ELOVL2: variants seen among roughly 807,000 people sequenced by gnomAD.
ELOVL2 encodes very long chain fatty acid elongase 2.
A neutral mutation model predicts 37.7 loss-of-function variants in ELOVL2; 38 were observed. The observed-to-expected ratio is 1.01, with a 90% CI of 0.78 to 1.32. ELOVL2 has a LOEUF of 1.32. ELOVL2 is among the 40% of genes most tolerant of loss of function. The pLI, the probability that ELOVL2 is intolerant of heterozygous loss-of-function variation, is 0.00. For synonymous variants in ELOVL2, 115 were observed against 122.3 expected (o/e 0.94, Z 0.40); for missense variants, 352 against 363.6 (o/e 0.97, Z 0.26).
intron 6 of ELOVL2, 148 bp downstream of exon 6, chr6:10,990,170 A>G: frequency 1.1e-6 from 1 of 929,376 alleles, no homozygotes; most frequent in Admixed American, 3.1e-5. Flanking sequence ...GCATTTCAAC[A>G]CAAAAAGTTT....
intron 3 of ELOVL2, among the ~76,000 whole-genome samples, chr6:11,004,098 T>G (rs978488411): frequency 4.0e-5 from 6 of 150,944 alleles, no homozygotes; most frequent in African/African-American, 1.5e-4. Context: ...AAAAAAAAAG[T>G]TGTCAGCATG....
chr6:11,026,584 TAGAG>T lies in ELOVL2; in HGVS notation c.4-15779_4-15776del, dbSNP rs1456542171. ...GGACAGCCACCAAGAAACTGATTCT[TAGAG>T]AGCCTCCTTTGTTTCACTCGACTAA... On this transcript the variant is annotated intron_variant, in intron 1 of 7. Transcript: ENST00000354666. Among the ~76,000 whole-genome samples, 8 of 152,302 alleles carry T rather than the reference TAGAG, an allele frequency of 5.3e-5. No homozygotes were observed. The South Asian group carries it at 6.2e-4, about 12-fold the overall frequency.
At chr6:10,993,810 C>T (rs1782209393) in intron 5 of ELOVL2, among the ~76,000 whole-genome samples, 1 of 151,848 alleles carries the variant, frequency 6.6e-6, no homozygotes, top group Non-Finnish European at 1.5e-5. Context: ...ACCTCAGCCT[C>T]CCGAGGAGCT....
At chr6:11,020,211 G>A (rs892211744) in intron 1 of ELOVL2, among the ~76,000 whole-genome samples, 2 of 152,064 alleles carry the variant, frequency 1.3e-5, no homozygotes, top group African/African-American at 4.8e-5. Flanking sequence ...CCAATGGGTT[G>A]GTTTCTTCCT....
At chr6:10,998,493 A>G (rs542194358) in intron 4 of ELOVL2, among the ~76,000 whole-genome samples, 6 of 152,344 alleles carry the variant, frequency 3.9e-5, no homozygotes, top group South Asian at 4.1e-4. Flanking sequence ...AAAGGTAACA[A>G]TAAGAGCTTT....
intron 1 of ELOVL2, among the ~76,000 whole-genome samples, chr6:11,028,640 C>T (rs1010835377): frequency 6.7e-6 from 1 of 148,926 alleles, no homozygotes; most frequent in African/African-American, 2.6e-5. Context: ...TTCTAATTGC[C>T]AGTTCAGAGT....
At chr6:10,997,380 A>G (rs1364166012) in intron 4 of ELOVL2, among the ~76,000 whole-genome samples, 1 of 152,096 alleles carries the variant, frequency 6.6e-6, no homozygotes, top group East Asian at 1.9e-4. Context: ...TAATGGCCCA[A>G]TCCATGTTCA....
rs533725347 is a variant in ELOVL2 at position 11,009,976 on chromosome 6, C to CTAA, written c.67+767_67+769dup. ...TGATGAAGGAAAGATGGAGAGATGT[C>CTAA]TAAGCTCATCCTACCTACGGGCCCC... On this transcript the variant is annotated intron_variant, in intron 2 of 7. Transcript: ENST00000354666. Among the ~76,000 whole-genome samples the CTAA allele has an allele frequency of 6.0e-3, 913 of 151,172 alleles. 9 individuals carry two copies. The highest frequency in any genetic ancestry group is 0.02 in the African/African-American group (808 of 41,228).
At chr6:11,035,192 C>T (rs57940154) in intron 1 of ELOVL2, among the ~76,000 whole-genome samples, 44,897 of 151,630 alleles carry the variant, frequency 0.3, 7,473 homozygotes, top group East Asian at 0.63. Context: ...TTCTGTTCTA[C>T]ACTACATTCC....
intron 4 of ELOVL2, 74 bp from the exon 5 acceptor site, chr6:10,995,252 T>TCTGCCTG (rs1480898089): frequency 8.7e-7 from 1 of 1,155,296 alleles, no homozygotes; most frequent in East Asian, 2.5e-5. Flanking sequence ...TGCTCGGCCT[T>TCTGCCTG]CTGCCTGCTG....
At position 10,989,763 on chromosome 6, in the gene ELOVL2, G is replaced by A. The variant is rs151066238; in HGVS notation, c.705C>T (p.Leu235=). ...TTAGCATATAAGATGACTGGAAGAT[G>A]AGACAACCGAAGGGGAAGCCACACG... ...VKPCGFPFGC[L]IFQSSYMLTL... is the part of the protein sequence containing the mutation. The change falls in exon 7 of 8, where the codon CTC becomes CTT. Residue 235 remains leucine, a synonymous_variant. Coordinates refer to ENST00000354666, the MANE Select transcript of ELOVL2 (RefSeq NM_017770.4). 7.7e-5 allele frequency: 125 copies of A among 1,614,000 alleles called. No homozygotes were observed. The African/African-American group carries it at 1.5e-3, about 19-fold the overall frequency.
Position 11,044,023 on chromosome 6 carries a change from G to C in ELOVL2, c.3+205C>G, listed in dbSNP as rs1019044437. Reference sequence around the variant, plus strand: ...AAAGTTCCCGAGACCCGCGGGCCTCGGGCCGACCCGCGCGCCCCCGGCCCA... The same window carrying C: ...AAAGTTCCCGAGACCCGCGGGCCTCCGGCCGACCCGCGCGCCCCCGGCCCA... On this transcript the variant is annotated intron_variant, in intron 1 of 7. Coordinates refer to ENST00000354666, the MANE Select transcript of ELOVL2 (RefSeq NM_017770.4). The surrounding 1 kb of genome is among the most constrained non-coding windows in gnomAD (Gnocchi z 5.6). Among the ~76,000 whole-genome samples the C allele has an allele frequency of 6.6e-6, 1 of 151,272 alleles. No individual in the cohort carries two copies.
In ELOVL2 at chr6:11,037,016, CAGAG is replaced by C. The variant is rs760006577; in HGVS notation, c.3+7208_3+7211del. Among the ~76,000 whole-genome samples the C allele has an allele frequency of 1.5e-4, 21 of 139,816 alleles. 1 individual carries two copies. The Middle Eastern group carries it at 0.023, about 156-fold the overall frequency. The allele number at this position is 139,816 out of a possible 152,430, so 91.7% of individuals were successfully genotyped here. On this transcript the variant is annotated intron_variant, in intron 1 of 7. Transcript: ENST00000354666. ...GAGGAGGCAGAGAGGGAGAGAGAGA[CAGAG>C]AGGGAGAGAGAGACAGAGGAAGAGA...
chr6:11,034,169 T>C (rs1198228792), intron 1 of ELOVL2, among the ~76,000 whole-genome samples: 1 of 152,162 alleles, frequency 6.6e-6, no homozygotes, highest in Non-Finnish European at 1.5e-5. Flanking sequence ...AACCTCCCTA[T>C]CCAGTCTCTC....
intron 1 of ELOVL2, among the ~76,000 whole-genome samples, chr6:11,039,540 A>G (rs1302755270): frequency 6.6e-6 from 1 of 152,222 alleles, no homozygotes; most frequent in Non-Finnish European, 1.5e-5. Flanking sequence ...GGTAACTGGA[A>G]TATCTATCAC....
chr6:11,026,657 CA>C (rs1216107005), intron 1 of ELOVL2, among the ~76,000 whole-genome samples: 16 of 152,160 alleles, frequency 1.1e-4, no homozygotes, highest in Admixed American at 8.5e-4. Context: ...GCACTTTTGT[CA>C]TTTGTCTTTT....
chr6:10,995,256 CCTG>C, intron 4 of ELOVL2, 78 bp from the exon 5 acceptor site: 1 of 1,112,636 alleles, frequency 9.0e-7, no homozygotes, highest in Non-Finnish European at 1.3e-6. Flanking sequence ...CGGCCTTCTG[CCTG>C]CTGCCTGTGG....
At chr6:10,991,929 G>C (rs1214163448) in intron 5 of ELOVL2, among the ~76,000 whole-genome samples, 1 of 152,076 alleles carries the variant, frequency 6.6e-6, no homozygotes, top group East Asian at 1.9e-4. Flanking sequence ...GCTCTGGTAG[G>C]TCAAAGTATC....
intron 1 of ELOVL2, among the ~76,000 whole-genome samples, chr6:11,018,219 G>A (rs549228388): frequency 2.6e-5 from 4 of 152,032 alleles, no homozygotes; most frequent in African/African-American, 9.6e-5. Flanking sequence ...GATACATTAC[G>A]GGATCTTAGT....
Sources: gnomAD v4.1 joint callset for allele counts (sites outside exome capture counted in the v4.1 genomes callset) on GRCh38, gnomAD v4.1.1 for gene constraint, Gnocchi (gnomAD v3.1) non-coding constraint, MANE v1.5 for transcripts, NCBI Gene and HGNC (gene_info 2026-07-23, HGNC 2026-07-21) for gene names.